Variants in ATP8A2 observed in about 807,000 individuals in gnomAD.
ATP8A2 encodes the protein ATPase phospholipid transporting 8A2, also known as phospholipid-transporting ATPase IB.
A neutral mutation model predicts 165.6 loss-of-function variants in ATP8A2; 100 were observed. That is an observed-to-expected ratio of 0.60 (90% CI 0.51 to 0.71). The LOEUF is 0.71. Among genes scored for constraint, ATP8A2 ranks in the 30% least tolerant of loss-of-function variants. The pLI, the probability that ATP8A2 is intolerant of heterozygous loss-of-function variation, is 0.00. For missense variants in ATP8A2, 1,227 were observed against 1,479.5 expected (o/e 0.83, Z 2.80); for synonymous variants, 543 against 548.8 (o/e 0.99, Z 0.15).
intron 1 of ATP8A2, among the ~76,000 whole-genome samples, chr13:25,377,196 T>C (rs2032661801): frequency 6.6e-6 from 1 of 152,216 alleles, no homozygotes; most frequent in Admixed American, 6.5e-5. Flanking sequence ...TCTCTATTCT[T>C]CCTCCTTGGA....
intron 24 of ATP8A2, among the ~76,000 whole-genome samples, chr13:25,642,505 T>G (rs2041554340): frequency 6.6e-6 from 1 of 152,210 alleles, no homozygotes; most frequent in Non-Finnish European, 1.5e-5. Flanking sequence ...ATGCTCATAA[T>G]CACTGGCCAT....
chr13:25,745,671 A>G (rs1254467160), intron 25 of ATP8A2, among the ~76,000 whole-genome samples: 2 of 152,338 alleles, frequency 1.3e-5, no homozygotes, highest in Non-Finnish European at 2.9e-5. Flanking sequence ...CAGCCAAGAT[A>G]TAATTGATAC....
intron 35 of ATP8A2, among the ~76,000 whole-genome samples, chr13:25,978,563 GCA>G (rs1956110959): frequency 6.6e-6 from 1 of 151,476 alleles, no homozygotes; most frequent in South Asian, 2.1e-4. Context: ...AGGCCCCCCA[GCA>G]TTCAGGGTTA....
chr13:25,767,293 G>T (rs2044512121), intron 25 of ATP8A2, among the ~76,000 whole-genome samples: 1 of 152,204 alleles, frequency 6.6e-6, no homozygotes, highest in African/African-American at 2.4e-5. Flanking sequence ...TCATTGATAA[G>T]CAGTGTTAAA....
At chr13:25,582,408 T>C (rs1311072755) in intron 23 of ATP8A2, among the ~76,000 whole-genome samples, 1 of 152,244 alleles carries the variant, frequency 6.6e-6, no homozygotes. Flanking sequence ...CTGCAGAGCA[T>C]CACAGAGATG....
chr13:25,769,266 G>A, intron 26 of ATP8A2, 37 bp downstream of exon 26: 2 of 1,577,098 alleles, frequency 1.3e-6, no homozygotes, highest in Non-Finnish European at 8.6e-7. Context: ...CTGTCCTGTT[G>A]AGAGATGATA....
chr13:25,651,025 T>A (rs1269021260), intron 24 of ATP8A2, among the ~76,000 whole-genome samples: 1 of 152,220 alleles, frequency 6.6e-6, no homozygotes. Flanking sequence ...AAGCTTTCCC[T>A]CTTTATCTCC....
intron 24 of ATP8A2, among the ~76,000 whole-genome samples, chr13:25,672,732 A>G (rs1260385293): frequency 1.3e-5 from 2 of 152,156 alleles, no homozygotes; most frequent in Non-Finnish European, 2.9e-5. Flanking sequence ...CCAGGGTAGG[A>G]TCAAAATCTG....
At chr13:25,889,944 C>T (rs1163201936) in intron 33 of ATP8A2, among the ~76,000 whole-genome samples, 6 of 152,154 alleles carry the variant, frequency 3.9e-5, no homozygotes, top group East Asian at 3.9e-4. Flanking sequence ...AGGCAGATCA[C>T]GAGGTTAGGA....
At chr13:25,976,401 G>C (rs1956037999) in intron 35 of ATP8A2, among the ~76,000 whole-genome samples, 1 of 152,142 alleles carries the variant, frequency 6.6e-6, no homozygotes, top group African/African-American at 2.4e-5. Context: ...ACTAAAGAGA[G>C]GCAAACCTGC....
At chr13:25,395,214 G>A (rs2033381271) in intron 1 of ATP8A2, among the ~76,000 whole-genome samples, 1 of 152,030 alleles carries the variant, frequency 6.6e-6, no homozygotes, top group African/African-American at 2.4e-5. Flanking sequence ...CCCACTATTG[G>A]CATTCTTCTG....
At chr13:25,850,422 A>G (rs1593446882) in intron 30 of ATP8A2, among the ~76,000 whole-genome samples, 1 of 41,344 alleles carries the variant, frequency 2.4e-5, no homozygotes, top group African/African-American at 1.0e-4. Flanking sequence ...CTCCGCGCCC[A>G]ATACAGGCTG....
Position 26,025,738 on chromosome 13 carries a change from T to C in ATP8A2, c.*5753T>C, listed in dbSNP as rs1301658122. ...GGAGTGAATACAAACGGAGGGCATCTACTTGTATTTTTAGAAGTTTTGGGA... is the reference window on the plus strand; with the variant it reads ...GGAGTGAATACAAACGGAGGGCATCCACTTGTATTTTTAGAAGTTTTGGGA... On this transcript the variant is annotated 3_prime_UTR_variant, in exon 37 of 37. Transcript: ENST00000381655. 1.3e-5 allele frequency: 2 copies of C among 152,280 alleles called. No individual in the cohort carries two copies. The highest frequency in any genetic ancestry group is 2.9e-5 in the Non-Finnish European group (2 of 68,062). 9.4% of individuals were successfully genotyped at this position (152,280 alleles called of 1,614,324 possible). A position where few individuals can be genotyped will look rare whatever the true frequency, so the allele number is the denominator to read the frequency against.
At chr13:25,913,884 T>C (rs956844696) in intron 33 of ATP8A2, among the ~76,000 whole-genome samples, 1 of 152,230 alleles carries the variant, frequency 6.6e-6, no homozygotes, top group Admixed American at 6.5e-5. Flanking sequence ...GTCAAAGTTC[T>C]AGTCCAGCTT....
At chr13:25,786,655 A>G (rs2045033808) in intron 27 of ATP8A2, among the ~76,000 whole-genome samples, 1 of 152,138 alleles carries the variant, frequency 6.6e-6, no homozygotes, top group Admixed American at 6.5e-5. Flanking sequence ...CCTTTATTCT[A>G]CTGAAAGTGC....
At chr13:25,770,995 G>C (rs1238307105) in intron 26 of ATP8A2, among the ~76,000 whole-genome samples, 2 of 152,182 alleles carry the variant, frequency 1.3e-5, no homozygotes, top group African/African-American at 4.8e-5. Context: ...TCTCCAAAGC[G>C]GGGGCTCTGT....
At chr13:25,595,807 G>A (rs2040222234) in intron 24 of ATP8A2, among the ~76,000 whole-genome samples, 1 of 152,156 alleles carries the variant, frequency 6.6e-6, no homozygotes, top group Non-Finnish European at 1.5e-5. Context: ...GTGCAGGGCT[G>A]TCCTCAGAGA....
chr13:25,551,240 TG>T (rs1336833272), intron 10 of ATP8A2, 97 bp from the exon 11 acceptor site: 1 of 1,172,922 alleles, frequency 8.5e-7, no homozygotes, highest in African/African-American at 1.5e-5. Context: ...GTCTTTTACT[TG>T]TTGGTTGTTA....
At chr13:25,785,030 C>T (rs888675112) in intron 27 of ATP8A2, among the ~76,000 whole-genome samples, 3 of 151,832 alleles carry the variant, frequency 2.0e-5, no homozygotes, top group South Asian at 2.1e-4. Context: ...CCCAAAGTGC[C>T]GGGATTACAG....
Sources: gnomAD v4.1 joint callset for allele counts (sites outside exome capture counted in the v4.1 genomes callset) on GRCh38, gnomAD v4.1.1 for gene constraint, MANE v1.5 for transcripts, NCBI Gene and HGNC (gene_info 2026-07-23, HGNC 2026-07-21) for gene names.